The following ANKRD36 variants were observed in gnomAD, a reference collection of about 807,000 sequenced individuals.
ANKRD36 encodes the protein ankyrin repeat domain 36, also known as ankyrin repeat domain-containing protein 36A.
Under a neutral mutation model 278.1 loss-of-function variants are expected in ANKRD36, and 179 were observed. The observed-to-expected ratio is 0.64, with a 90% confidence interval of 0.57 to 0.73. ANKRD36 has a LOEUF of 0.73. Among genes scored for constraint, ANKRD36 ranks in the 30% least tolerant of loss-of-function variants. ANKRD36 has a pLI of 0.00. For missense variants in ANKRD36, 1,159 were observed against 1,956.7 expected, an observed-to-expected ratio of 0.59 and a Z score of 7.69; for synonymous variants, 320 against 641.1, an observed-to-expected ratio of 0.50 and a Z score of 7.57.
At chr2:97,226,389 T>C (rs926557068) in intron 67 of ANKRD36, among the ~76,000 whole-genome samples, 8 of 151,658 alleles carry the variant, frequency 5.3e-5, no homozygotes, top group Admixed American at 4.6e-4. Flanking sequence ...TGGTGAGCAT[T>C]TTTTCATGTG....
chr2:97,220,558 G>A (rs9631085), intron 66 of ANKRD36, among the ~76,000 whole-genome samples: 27,443 of 144,544 alleles, frequency 0.19, 3,313 homozygotes, highest in African/African-American at 0.47. Context: ...ATGTCATTGC[G>A]AATGAGAGGA....
intron 56 of ANKRD36, among the ~76,000 whole-genome samples, chr2:97,211,100 G>T (rs1183178602): frequency 9.2e-5 from 14 of 151,978 alleles, no homozygotes; most frequent in South Asian, 2.1e-4. Flanking sequence ...TGCCTTCTCA[G>T]TTATTGGGCA....
chr2:97,117,721 A>G (rs564085385), intron 1 of ANKRD36, among the ~76,000 whole-genome samples: 10 of 152,224 alleles, frequency 6.6e-5, no homozygotes, highest in African/African-American at 2.4e-4. Context: ...AGTGTTCTAA[A>G]TGCTGTGCAT....
At chr2:97,202,811 A>G (rs980326396) in intron 48 of ANKRD36, among the ~76,000 whole-genome samples, 1 of 151,834 alleles carries the variant, frequency 6.6e-6, no homozygotes, top group African/African-American at 2.4e-5. Context: ...AGAAGTAAGG[A>G]GACCCTTGTT....
chr2:97,205,975 A>G lies in ANKRD36; in HGVS notation c.3090+7A>G. 1.9e-6 allele frequency: 3 copies of G among 1,555,062 alleles called. No individual in the cohort carries two copies. Among genetic ancestry groups the G allele is most frequent in the Admixed American group, 1.9e-5 (1 of 53,280 alleles). ...GAAACCACCAACCTTGAAGGTAATG[A>G]AACTCCCATTTATATTGTGAACGAG... On this transcript the variant is annotated splice_region_variant and intron_variant, in intron 51 of 75. Coordinates refer to ENST00000420699, the MANE Select transcript of ANKRD36 (RefSeq NM_001354587.1).
In ANKRD36 at chr2:97,137,953, C is replaced by T. The variant is rs540818164; in HGVS notation, c.800-4687C>T. The stretch of plus-strand genomic sequence containing the variant: ...TCCTTTGTCCACTTTTTGATGAGAT[C>T]GTTTGTTTTCTTGTAAATTTATTTA... On this transcript the variant is annotated intron_variant, in intron 6 of 75. Transcript: ENST00000420699. 3.4e-4 allele frequency among the ~76,000 whole-genome samples: 51 copies of T among 151,980 alleles called. 2 individuals carry two copies. In the South Asian group the frequency reaches 8.6e-3, roughly 26 times the overall value.
chr2:97,149,048 G>A (rs2045171747), intron 11 of ANKRD36, among the ~76,000 whole-genome samples: 1 of 151,926 alleles, frequency 6.6e-6, no homozygotes, highest in South Asian at 2.1e-4. Flanking sequence ...GTTTAAGGGT[G>A]AGTCTGCATT....
At chr2:97,126,921 A>G (rs2153422072) in intron 5 of ANKRD36, 146 bp from the exon 6 acceptor site, 1 of 344,450 alleles carries the variant, frequency 2.9e-6, no homozygotes, top group Non-Finnish European at 5.1e-6. Context: ...GAAAGGTACT[A>G]AGAAGTTTGT....
intron 58 of ANKRD36, chr2:97,212,702 A>G (rs200908601): frequency 1.9e-5 from 3 of 156,096 alleles, no homozygotes; most frequent in African/African-American, 7.2e-5. Flanking sequence ...CTTTGTAGAA[A>G]TATGTCAACA....
At chr2:97,248,355 A>G (rs1445534844) in intron 72 of ANKRD36, 4 of 113,922 alleles carry the variant, frequency 3.5e-5, no homozygotes, top group Non-Finnish European at 6.2e-5. Context: ...TTAAGTGGGC[A>G]TTTAGACAAC....
intron 22 of ANKRD36, among the ~76,000 whole-genome samples, chr2:97,178,573 CA>C (rs2055086562): frequency 6.7e-6 from 1 of 150,154 alleles, no homozygotes; most frequent in Non-Finnish European, 1.5e-5. Context: ...TAAACTATCG[CA>C]AAAACAAAAA....
At chr2:97,180,529 C>T (rs963531792) in intron 24 of ANKRD36, among the ~76,000 whole-genome samples, 45 of 151,700 alleles carry the variant, frequency 3.0e-4, no homozygotes, top group African/African-American at 9.4e-4. Flanking sequence ...TTGGCTGCTC[C>T]AAGAACTACT....
intron 17 of ANKRD36, among the ~76,000 whole-genome samples, chr2:97,161,784 T>C (rs2048948475): frequency 6.6e-6 from 1 of 152,274 alleles, no homozygotes; most frequent in South Asian, 2.1e-4. Context: ...TTCACTTGTC[T>C]ATTTTAAAAA....
At chr2:97,205,663 G>A (rs1484989155) in intron 50 of ANKRD36, among the ~76,000 whole-genome samples, 1 of 151,480 alleles carries the variant, frequency 6.6e-6, no homozygotes, top group Non-Finnish European at 1.5e-5. Flanking sequence ...TCATCACTCG[G>A]CCTAAGCACA....
intron 12 of ANKRD36, among the ~76,000 whole-genome samples, chr2:97,150,969 A>C (rs1162654589): frequency 6.6e-6 from 1 of 151,826 alleles, no homozygotes; most frequent in Non-Finnish European, 1.5e-5. Flanking sequence ...GTGTTATTTT[A>C]TAGTAAACAA....
chr2:97,121,825 T>C lies in ANKRD36; in HGVS notation c.487-1062T>C, dbSNP rs2036959549. 2.6e-5 allele frequency among the ~76,000 whole-genome samples: 4 copies of C among 151,594 alleles called. No homozygotes were observed. The South Asian group carries it at 8.4e-4, about 32-fold the overall frequency. ...TTGGAAACTAGAATACAAATAGATT[T>C]TTAAAGGAGTTATGTACCAGGGTCC... On this transcript the variant is annotated intron_variant, in intron 3 of 75. Transcript: ENST00000420699.
chr2:97,128,104 G>A lies in ANKRD36; in HGVS notation c.799+970G>A, dbSNP rs548734411. 5.1e-4 allele frequency among the ~76,000 whole-genome samples: 77 copies of A among 151,800 alleles called. 3 individuals are homozygous for A. The South Asian group carries it at 0.015, about 29-fold the overall frequency. On this transcript the variant is annotated intron_variant, in intron 6 of 75. Coordinates refer to ENST00000420699, the MANE Select transcript of ANKRD36 (RefSeq NM_001354587.1). ...ACTGCACACAAGAAAGGAGTAGGACGTGTTCACTGAATGGAGAAGTACAGC... is the reference window on the plus strand; with the variant it reads ...ACTGCACACAAGAAAGGAGTAGGACATGTTCACTGAATGGAGAAGTACAGC...
intron 17 of ANKRD36, among the ~76,000 whole-genome samples, chr2:97,159,309 A>C (rs2048267595): frequency 6.6e-6 from 1 of 152,090 alleles, no homozygotes. Flanking sequence ...AATAACTTCA[A>C]TATTTCTAGT....
intron 67 of ANKRD36, among the ~76,000 whole-genome samples, chr2:97,226,075 G>A (rs376608953): frequency 0.054 from 8,116 of 149,486 alleles, 1 homozygote; most frequent in Non-Finnish European, 0.072. Flanking sequence ...GAATAGTGCC[G>A]CAAAAACATA....
Sources: allele counts gnomAD v4.1 joint callset (sites outside exome capture counted in the v4.1 genomes callset), GRCh38; gene constraint gnomAD v4.1.1; transcripts MANE v1.5; gene names NCBI Gene and HGNC (gene_info 2026-07-23, HGNC 2026-07-21).